Variants in SLC4A4 observed in about 807,000 individuals in gnomAD.
SLC4A4 encodes the protein solute carrier family 4 member 4, also known as electrogenic sodium bicarbonate cotransporter 1.
A neutral mutation model predicts 111.5 loss-of-function variants in SLC4A4; 27 were observed. The ratio of observed to expected loss-of-function variants is 0.24; its 90% CI spans 0.18 to 0.33. The LOEUF (loss-of-function observed/expected upper bound fraction) is 0.33, where lower values mean the gene tolerates loss of function less well. SLC4A4 is among the 10% of genes least tolerant of loss of function. SLC4A4 has a pLI of 1.00. For synonymous variants in SLC4A4, 443 were observed against 463.4 expected (o/e 0.96, Z 0.57); for missense variants, 909 against 1,315.5 (o/e 0.69, Z 4.78).
At position 71,448,069 on chromosome 4, in the gene SLC4A4, C is replaced by G. The variant is rs551750163; in HGVS notation, c.1053+336C>G. Among the ~76,000 whole-genome samples, 155 of 152,164 alleles carry G rather than the reference C, an allele frequency of 1.0e-3. 2 individuals are homozygous for G. Among genetic ancestry groups the G allele is most frequent in the African/African-American group, 3.7e-3 (153 of 41,514 alleles). On this transcript the variant is annotated intron_variant, in intron 9 of 25. Coordinates refer to ENST00000264485, the MANE Select transcript of SLC4A4 (RefSeq NM_001098484.3). ...GCATGGTGGCTCACGCCTGTAATCC[C>G]AGCACTTTGAGAGGTCGAGGTGGGC...
At chr4:71,164,911 T>G (rs567066349) in intron 2 of SLC4A4, among the ~76,000 whole-genome samples, 66 of 152,122 alleles carry the variant, frequency 4.3e-4, no homozygotes, top group Admixed American at 7.9e-4. Flanking sequence ...CAGACACTTC[T>G]CAAAAGAAGA....
chr4:71,105,838 T>A (rs1347357995), intron 2 of SLC4A4, among the ~76,000 whole-genome samples: 10 of 68,718 alleles, frequency 1.5e-4, no homozygotes, highest in Non-Finnish European at 2.9e-4. Context: ...AACCTAGGCA[T>A]TACCATTCAG....
chr4:71,386,965 A>G (rs1718796282), intron 6 of SLC4A4, among the ~76,000 whole-genome samples: 2 of 152,244 alleles, frequency 1.3e-5, no homozygotes. Context: ...GCTGTGAGAT[A>G]CAAACACCTG....
chr4:71,147,048 A>G (rs548531269), intron 2 of SLC4A4, among the ~76,000 whole-genome samples: 2 of 152,186 alleles, frequency 1.3e-5, no homozygotes, highest in Non-Finnish European at 2.9e-5. Context: ...AGGAAGATCT[A>G]CCAAGCAAAT....
intron 7 of SLC4A4, among the ~76,000 whole-genome samples, chr4:71,422,709 G>C (rs909907564): frequency 1.3e-5 from 2 of 151,142 alleles, no homozygotes; most frequent in Non-Finnish European, 3.0e-5. Context: ...ATGTAATCCA[G>C]CATATAAACA....
chr4:71,201,952 C>G (rs1166296959), intron 1 of SLC4A4, among the ~76,000 whole-genome samples: 1 of 152,160 alleles, frequency 6.6e-6, no homozygotes, highest in African/African-American at 2.4e-5. Context: ...TGGCCTCCCT[C>G]AAAGTAACTT....
At chr4:71,347,845 GC>G (rs993957782) in intron 4 of SLC4A4, among the ~76,000 whole-genome samples, 22 of 152,008 alleles carry the variant, frequency 1.4e-4, no homozygotes, top group Admixed American at 5.2e-4. Flanking sequence ...TTCATCTTGG[GC>G]TTAAATTCTA....
intron 3 of SLC4A4, among the ~76,000 whole-genome samples, chr4:71,291,551 C>T (rs946538350): frequency 6.6e-6 from 1 of 151,962 alleles, no homozygotes; most frequent in Non-Finnish European, 1.5e-5. Flanking sequence ...GCAATCCTCT[C>T]GTCTCAGCCT....
intron 2 of SLC4A4, among the ~76,000 whole-genome samples, chr4:71,165,292 T>C (rs1045683773): frequency 2.6e-5 from 4 of 152,166 alleles, no homozygotes; most frequent in Non-Finnish European, 5.9e-5. Context: ...AGCAAAGACT[T>C]GGAACCAACC....
At chr4:71,454,941 C>T (rs895180713) in intron 12 of SLC4A4, among the ~76,000 whole-genome samples, 1 of 152,006 alleles carries the variant, frequency 6.6e-6, no homozygotes, top group African/African-American at 2.4e-5. Context: ...GTGTTGGTGC[C>T]TAAGCTAGGA....
chr4:71,471,567 T>A (rs557079646), intron 13 of SLC4A4, among the ~76,000 whole-genome samples: 1 of 152,050 alleles, frequency 6.6e-6, no homozygotes, highest in African/African-American at 2.4e-5. Context: ...GGTTCTAGAG[T>A]GTCAAGCATG....
intron 5 of SLC4A4, 124 bp downstream of exon 5, chr4:71,350,196 T>TTGCA (rs1453469752): frequency 5.1e-6 from 5 of 985,656 alleles, no homozygotes; most frequent in Non-Finnish European, 7.8e-6. Context: ...TTCTCTCTTT[T>TTGCA]TGCATTATAA....
chr4:71,544,895 CA>C (rs1735381799), intron 18 of SLC4A4, among the ~76,000 whole-genome samples: 1 of 152,018 alleles, frequency 6.6e-6, no homozygotes, highest in African/African-American at 2.4e-5. Flanking sequence ...GTTTTATTCA[CA>C]GATGTGTCAC....
chr4:71,343,593 A>G (rs1350547231), intron 4 of SLC4A4, among the ~76,000 whole-genome samples: 2 of 152,170 alleles, frequency 1.3e-5, no homozygotes, highest in Non-Finnish European at 2.9e-5. Flanking sequence ...TCTACACCCA[A>G]TATCTGACCA....
At chr4:71,487,688 A>G (rs1048746645) in intron 15 of SLC4A4, among the ~76,000 whole-genome samples, 2 of 151,646 alleles carry the variant, frequency 1.3e-5, no homozygotes, top group African/African-American at 4.8e-5. Flanking sequence ...TCAATCTTTC[A>G]GTTATAAAGA....
At chr4:71,478,578 G>A (rs781779939) in intron 14 of SLC4A4, among the ~76,000 whole-genome samples, 3 of 151,516 alleles carry the variant, frequency 2.0e-5, no homozygotes, top group Non-Finnish European at 2.9e-5. Context: ...TGGGCACAGG[G>A]AGGGGAACAT....
At chr4:71,511,617 T>A (rs1731927038) in intron 16 of SLC4A4, among the ~76,000 whole-genome samples, 1 of 152,138 alleles carries the variant, frequency 6.6e-6, no homozygotes, top group African/African-American at 2.4e-5. Flanking sequence ...TATATGTGTA[T>A]AACAAAAGGT....
intron 3 of SLC4A4, among the ~76,000 whole-genome samples, chr4:71,287,391 A>C (rs1724002400): frequency 6.6e-6 from 1 of 152,266 alleles, no homozygotes; most frequent in East Asian, 1.9e-4. Flanking sequence ...TGTGATCTGC[A>C]TACATTCTGA....
chr4:71,277,996 G>A (rs531761266), intron 3 of SLC4A4, among the ~76,000 whole-genome samples: 18 of 152,130 alleles, frequency 1.2e-4, no homozygotes, highest in South Asian at 2.1e-4. Flanking sequence ...CAAGCATACC[G>A]TATGATATTG....
Sources: gnomAD v4.1 joint callset for allele counts (sites outside exome capture counted in the v4.1 genomes callset) on GRCh38, gnomAD v4.1.1 for gene constraint, MANE v1.5 for transcripts, NCBI Gene and HGNC (gene_info 2026-07-23, HGNC 2026-07-21) for gene names.